CNTN4: variants seen among roughly 807,000 people sequenced by gnomAD.
CNTN4 encodes the protein contactin 4.
Under a neutral mutation model 122.5 loss-of-function variants are expected in CNTN4, and 77 were observed. That is an observed-to-expected ratio of 0.63 (90% CI 0.52 to 0.76). CNTN4 has a LOEUF of 0.76. CNTN4 is among the 30% of genes least tolerant of loss of function. CNTN4 has a pLI of 0.00. For missense variants in CNTN4, 1,256 were observed against 1,259.1 expected (o/e 1.00, Z 0.04); for synonymous variants, 512 against 447.0 (o/e 1.15, Z -1.83).
intron 2 of CNTN4, among the ~76,000 whole-genome samples, chr3:2,242,075 A>G (rs920439327): frequency 7.9e-5 from 12 of 152,148 alleles, no homozygotes; most frequent in Non-Finnish European, 1.6e-4. Context: ...AAAAACTTAT[A>G]TTAGTACTAG....
chr3:2,105,303 C>T lies in CNTN4; in HGVS notation c.-145+4664C>T, dbSNP rs143450048. On this transcript the variant is annotated intron_variant, in intron 2 of 24. Coordinates refer to ENST00000418658, the MANE Select transcript of CNTN4 (RefSeq NM_175607.3). ...AAGGGGCATGATGGAGCAAAACCAG[C>T]TCCTCTTGCATCATGTGAGCCCGTT... Among the ~76,000 whole-genome samples the T allele has an allele frequency of 2.6e-5, 4 of 152,312 alleles. No individual in the cohort carries two copies. In the East Asian group the frequency reaches 7.7e-4, roughly 29 times the overall value.
At chr3:2,792,721 G>A (rs924384518) in intron 6 of CNTN4, among the ~76,000 whole-genome samples, 1 of 152,210 alleles carries the variant, frequency 6.6e-6, no homozygotes, top group African/African-American at 2.4e-5. Context: ...AGGGTGTTTT[G>A]TTATAACTTC....
rs563619330 is a variant in CNTN4 at position 2,151,424 on chromosome 3, C to G, written c.-145+50785C>G. ...AGAAGGAACAGCATGGGCCAGGGCT[C>G]TGGGGCCAAAACAAGCTCAGTCTGG... On this transcript the variant is annotated intron_variant, in intron 2 of 24. Coordinates refer to ENST00000418658, the MANE Select transcript of CNTN4 (RefSeq NM_175607.3). 6.6e-5 allele frequency among the ~76,000 whole-genome samples: 10 copies of G among 152,274 alleles called. No homozygotes were observed. The East Asian group carries it at 1.9e-3, about 29-fold the overall frequency.
intron 7 of CNTN4, among the ~76,000 whole-genome samples, chr3:2,848,992 G>A (rs2093501735): frequency 6.6e-6 from 1 of 152,196 alleles, no homozygotes; most frequent in Admixed American, 6.5e-5. Context: ...TACCAAGTCA[G>A]GAGAAGCTAG....
At chr3:2,309,211 C>A (rs1404694860) in intron 2 of CNTN4, among the ~76,000 whole-genome samples, 3 of 152,044 alleles carry the variant, frequency 2.0e-5, no homozygotes, top group Admixed American at 2.0e-4. Context: ...ATTATAAAAT[C>A]TGTTCATCTG....
At chr3:3,015,770 T>C (rs942099485) in intron 14 of CNTN4, among the ~76,000 whole-genome samples, 10 of 152,212 alleles carry the variant, frequency 6.6e-5, no homozygotes, top group African/African-American at 2.4e-4. Flanking sequence ...TGGAAGGCAT[T>C]GTCTTTGGAA....
At chr3:2,145,558 G>A (rs138741575) in intron 2 of CNTN4, among the ~76,000 whole-genome samples, 27 of 152,202 alleles carry the variant, frequency 1.8e-4, no homozygotes, top group Admixed American at 1.4e-3. Context: ...GGAAAGGACC[G>A]GCAGATTGGG....
chr3:3,008,363 C>T (rs1054334315), intron 14 of CNTN4, among the ~76,000 whole-genome samples: 7 of 152,038 alleles, frequency 4.6e-5, no homozygotes, highest in South Asian at 2.1e-4. Context: ...GGCATGGATC[C>T]GCCAAAGAAA....
chr3:2,430,449 C>A (rs1282917571), intron 3 of CNTN4, among the ~76,000 whole-genome samples: 2 of 148,794 alleles, frequency 1.3e-5, no homozygotes, highest in African/African-American at 5.0e-5. Context: ...AAAGGAAATG[C>A]AGAAATCACC....
intron 4 of CNTN4, among the ~76,000 whole-genome samples, chr3:2,678,990 C>A (rs1416047885): frequency 1.3e-5 from 2 of 152,130 alleles, no homozygotes; most frequent in African/African-American, 2.4e-5. Flanking sequence ...CACATGTGTT[C>A]TGTTGAAATG....
At chr3:2,240,112 T>C (rs1387207227) in intron 2 of CNTN4, among the ~76,000 whole-genome samples, 5 of 152,198 alleles carry the variant, frequency 3.3e-5, no homozygotes, top group African/African-American at 1.2e-4. Flanking sequence ...AGAATGCTAA[T>C]CTTAGTTCCT....
At position 2,287,693 on chromosome 3, in the gene CNTN4, GGAAGAAGAAGAA is replaced by G. The variant is rs528581339; in HGVS notation, c.-144-51479_-144-51468del. On this transcript the variant is annotated intron_variant, in intron 2 of 24. Transcript: ENST00000418658. Reference sequence around the variant, plus strand: ...AAGAAGAAGAAGAAGAAGAAGAAGAGGAAGAAGAAGAAGAAGAGGAAGAAGAAGAAGAAGAAG... The same window carrying G: ...AAGAAGAAGAAGAAGAAGAAGAAGAGGAAGAGGAAGAAGAAGAAGAAGAAG... Among the ~76,000 whole-genome samples the G allele has an allele frequency of 9.6e-3, 776 of 80,810 alleles. 19 individuals are homozygous for G. Among genetic ancestry groups the G allele is most frequent in the Non-Finnish European group, 0.013 (501 of 39,356 alleles). The allele number at this position is 80,810 out of a possible 152,430, so 53.0% of individuals were successfully genotyped here.
chr3:2,967,786 G>A (rs1692478858), intron 13 of CNTN4, among the ~76,000 whole-genome samples: 1 of 151,256 alleles, frequency 6.6e-6, no homozygotes, highest in Admixed American at 6.6e-5. Flanking sequence ...CATTCTTGAA[G>A]TCTAAATCTG....
intron 4 of CNTN4, among the ~76,000 whole-genome samples, chr3:2,727,168 C>T (rs1322856800): frequency 6.6e-6 from 1 of 152,024 alleles, no homozygotes; most frequent in Admixed American, 6.5e-5. Flanking sequence ...CCATTTGGGT[C>T]AGAAATGTTT....
intron 3 of CNTN4, among the ~76,000 whole-genome samples, chr3:2,408,537 T>G (rs1431767102): frequency 6.6e-6 from 1 of 152,188 alleles, no homozygotes; most frequent in Non-Finnish European, 1.5e-5. Flanking sequence ...TAAATAGAGA[T>G]GTACATGAAG....
intron 3 of CNTN4, among the ~76,000 whole-genome samples, chr3:2,529,059 C>A (rs1451725287): frequency 6.6e-6 from 1 of 152,018 alleles, no homozygotes; most frequent in South Asian, 2.1e-4. Flanking sequence ...TTTATCCTAT[C>A]TGCCTAGAAT....
intron 8 of CNTN4, among the ~76,000 whole-genome samples, chr3:2,875,344 GTTATTC>G (rs1414877022): frequency 6.6e-6 from 1 of 152,162 alleles, no homozygotes; most frequent in Non-Finnish European, 1.5e-5. Context: ...GGAAGGTACT[GTTATTC>G]TTGTGATTCA....
intron 2 of CNTN4, among the ~76,000 whole-genome samples, chr3:2,172,958 T>A (rs139503121): frequency 2.0e-4 from 30 of 152,338 alleles, no homozygotes; most frequent in African/African-American, 7.2e-4. Flanking sequence ...TAAGCCTATG[T>A]GACAGGTATT....
chr3:2,647,586 G>A (rs924161419), intron 4 of CNTN4, among the ~76,000 whole-genome samples: 1 of 151,930 alleles, frequency 6.6e-6, no homozygotes, highest in African/African-American at 2.4e-5. Flanking sequence ...CTATTCCAGA[G>A]ACCTAGGCTT....
Sources: allele counts gnomAD v4.1 joint callset (sites outside exome capture counted in the v4.1 genomes callset), GRCh38; gene constraint gnomAD v4.1.1; transcripts MANE v1.5; gene names NCBI Gene and HGNC (gene_info 2026-07-23, HGNC 2026-07-21).